Variants in RABGAP1L observed in about 807,000 individuals in gnomAD.
The protein encoded by RABGAP1L is RAB GTPase activating protein 1 like.
RABGAP1L carries 63 observed loss-of-function variants against 137.7 expected under a neutral mutation model. The ratio of observed to expected loss-of-function variants is 0.46; its 90% CI spans 0.37 to 0.56. The LOEUF is 0.56. Among genes scored for constraint, RABGAP1L ranks in the 20% least tolerant of loss-of-function variants. The pLI is 0.00. For synonymous variants in RABGAP1L, 431 were observed against 433.7 expected (o/e 0.99, Z 0.08); for missense variants, 1,095 against 1,244.0 (o/e 0.88, Z 1.80).
At chr1:174,273,071 T>C (rs894120295) in intron 8 of RABGAP1L, among the ~76,000 whole-genome samples, 2 of 152,010 alleles carry the variant, frequency 1.3e-5, no homozygotes, top group Non-Finnish European at 2.9e-5. Flanking sequence ...AGTGAAAACA[T>C]TTAATTTGTG....
At position 174,632,300 on chromosome 1, in the gene RABGAP1L, G is replaced by A. The variant is rs1422725966; in HGVS notation, c.1711-5075G>A. On this transcript the variant is annotated intron_variant, in intron 13 of 25. Coordinates refer to ENST00000681986, the MANE Select transcript of RABGAP1L (RefSeq NM_001366446.1). The stretch of plus-strand genomic sequence containing the variant: ...ATGGGCTTCCCTTTGAGGGTAACCC[G>A]ACCTTTCTCTCTGGCTGCCTTAACA... 3.4e-5 allele frequency among the ~76,000 whole-genome samples: 5 copies of A among 149,158 alleles called. No homozygotes were observed. In the East Asian group the frequency reaches 5.8e-4, roughly 17 times the overall value.
At chr1:174,892,718 T>C in intron 19 of RABGAP1L, 1 of 491,800 alleles carries the variant, frequency 2.0e-6, no homozygotes, top group East Asian at 5.4e-5. Context: ...CTACCTCATT[T>C]CTTTGTTTTC....
intron 19 of RABGAP1L, among the ~76,000 whole-genome samples, chr1:174,832,020 C>T (rs1293441040): frequency 1.4e-5 from 2 of 147,734 alleles, no homozygotes; most frequent in East Asian, 4.2e-4. Flanking sequence ...AGGCTAGGTG[C>T]GGTGGTTCAT....
chr1:174,612,369 T>C (rs893351220), intron 13 of RABGAP1L, among the ~76,000 whole-genome samples: 40 of 152,292 alleles, frequency 2.6e-4, no homozygotes, highest in Admixed American at 1.1e-3. Context: ...TATTGATTTG[T>C]GTATATTGAA....
chr1:174,698,231 G>A (rs1245503327), intron 15 of RABGAP1L, among the ~76,000 whole-genome samples: 2 of 152,128 alleles, frequency 1.3e-5, no homozygotes, highest in African/African-American at 4.8e-5. Context: ...TGTATGCTTG[G>A]TGTAATTTCT....
chr1:174,520,162 T>C (rs930968910), intron 13 of RABGAP1L, among the ~76,000 whole-genome samples: 1 of 152,236 alleles, frequency 6.6e-6, no homozygotes, highest in African/African-American at 2.4e-5. Flanking sequence ...AAGAATGTTT[T>C]CATTTATTAA....
intron 19 of RABGAP1L, among the ~76,000 whole-genome samples, chr1:174,838,025 T>G (rs1174128127): frequency 6.6e-6 from 1 of 152,202 alleles, no homozygotes; most frequent in Non-Finnish European, 1.5e-5. Context: ...CCTTGAAAAC[T>G]AGTAGTAGTA....
chr1:174,771,057 G>A (rs752973625), intron 18 of RABGAP1L, among the ~76,000 whole-genome samples: 1 of 152,320 alleles, frequency 6.6e-6, no homozygotes, highest in Non-Finnish European at 1.5e-5. Flanking sequence ...TCCAAAGGTG[G>A]CATCTAACCT....
At chr1:174,288,625 T>G (rs1676285403) in intron 10 of RABGAP1L, among the ~76,000 whole-genome samples, 1 of 152,204 alleles carries the variant, frequency 6.6e-6, no homozygotes, top group African/African-American at 2.4e-5. Context: ...CTCCTGCCAT[T>G]TTCATAATTC....
intron 13 of RABGAP1L, among the ~76,000 whole-genome samples, chr1:174,453,763 G>T (rs1655713734): frequency 1.3e-5 from 2 of 152,162 alleles, no homozygotes; most frequent in Non-Finnish European, 2.9e-5. Flanking sequence ...CCTATTTTAT[G>T]ATTTCTCATA....
At chr1:174,859,503 A>G (rs933680469) in intron 19 of RABGAP1L, among the ~76,000 whole-genome samples, 3 of 151,860 alleles carry the variant, frequency 2.0e-5, no homozygotes, top group Non-Finnish European at 4.4e-5. Flanking sequence ...AAAATGTGGT[A>G]CATATATACC....
intron 13 of RABGAP1L, among the ~76,000 whole-genome samples, chr1:174,623,181 A>G (rs1484821236): frequency 6.6e-6 from 1 of 152,230 alleles, no homozygotes; most frequent in Non-Finnish European, 1.5e-5. Context: ...GAACTATTTT[A>G]TTATGAATAA....
At chr1:174,686,981 C>T (rs895218443) in intron 15 of RABGAP1L, among the ~76,000 whole-genome samples, 49 of 151,662 alleles carry the variant, frequency 3.2e-4, no homozygotes, top group African/African-American at 1.1e-3. Context: ...TTGAACATAC[C>T]GTAGTTTAGC....
intron 11 of RABGAP1L, among the ~76,000 whole-genome samples, chr1:174,350,537 G>T (rs1317744844): frequency 1.5e-5 from 2 of 135,522 alleles, no homozygotes; most frequent in African/African-American, 5.7e-5. Context: ...TGTGATGGCG[G>T]CTGGGAAGAG....
chr1:174,226,725 T>A (rs1414772466), intron 3 of RABGAP1L, among the ~76,000 whole-genome samples: 4 of 152,102 alleles, frequency 2.6e-5, no homozygotes, highest in South Asian at 2.1e-4. Flanking sequence ...ATAGCCACTT[T>A]TGGTTTCTTA....
chr1:174,299,595 C>G (rs1038666066), intron 10 of RABGAP1L, among the ~76,000 whole-genome samples: 2 of 152,182 alleles, frequency 1.3e-5, no homozygotes, highest in African/African-American at 2.4e-5. Flanking sequence ...CAAACATGCT[C>G]CAAATCTTGA....
chr1:174,224,733 C>T (rs1024007197), intron 3 of RABGAP1L, among the ~76,000 whole-genome samples: 2 of 152,122 alleles, frequency 1.3e-5, no homozygotes, highest in Non-Finnish European at 2.9e-5. Context: ...ATTTTGCTTT[C>T]AACAGCCATA....
chr1:174,243,407 C>T (rs1371722581), intron 5 of RABGAP1L, among the ~76,000 whole-genome samples: 1 of 152,028 alleles, frequency 6.6e-6, no homozygotes, highest in African/African-American at 2.4e-5. Flanking sequence ...TTTTTGAGTG[C>T]ATTTTAGAAA....
intron 13 of RABGAP1L, among the ~76,000 whole-genome samples, chr1:174,445,535 A>G (rs1234150179): frequency 6.6e-6 from 1 of 152,154 alleles, no homozygotes; most frequent in Admixed American, 6.5e-5. Context: ...TTGTTTGTAC[A>G]GTTAAATACA....
Sources: gnomAD v4.1 joint callset for allele counts (sites outside exome capture counted in the v4.1 genomes callset) on GRCh38, gnomAD v4.1.1 for gene constraint, MANE v1.5 for transcripts, NCBI Gene and HGNC (gene_info 2026-07-23, HGNC 2026-07-21) for gene names.